ATG10: variants seen among roughly 807,000 people sequenced by gnomAD.
The protein encoded by ATG10 is autophagy related 10, also known as ubiquitin-like-conjugating enzyme ATG10.
Under a neutral mutation model 32.1 loss-of-function variants are expected in ATG10, and 30 were observed. The observed-to-expected ratio is 0.94, with a 90% CI of 0.70 to 1.27. The LOEUF is 1.27. Among genes scored for constraint, ATG10 ranks in the 50% most tolerant of loss-of-function variants. The pLI is 0.00. For synonymous variants in ATG10, 87 were observed against 91.5 expected (o/e 0.95, Z 0.28); for missense variants, 233 against 262.3 (o/e 0.89, Z 0.77).
At chr5:82,192,354 C>T (rs1051333651) in intron 5 of ATG10, among the ~76,000 whole-genome samples, 1 of 152,186 alleles carries the variant, frequency 6.6e-6, no homozygotes, top group Admixed American at 6.5e-5. Context: ...TCCTCTCTCC[C>T]TATTCAACTA....
intron 5 of ATG10, among the ~76,000 whole-genome samples, chr5:82,193,557 A>G (rs1744740746): frequency 6.6e-6 from 1 of 152,166 alleles, no homozygotes; most frequent in African/African-American, 2.4e-5. Flanking sequence ...AAGGTCGCAT[A>G]TGGTAATCCA....
chr5:82,018,097 A>G (rs1434753835), intron 2 of ATG10, among the ~76,000 whole-genome samples: 1 of 152,126 alleles, frequency 6.6e-6, no homozygotes, highest in African/African-American at 2.4e-5. Context: ...TTCTACTTTG[A>G]TGGATTCACT....
chr5:82,131,173 A>G (rs967808058), intron 3 of ATG10, among the ~76,000 whole-genome samples: 2 of 152,240 alleles, frequency 1.3e-5, no homozygotes, highest in African/African-American at 2.4e-5. Context: ...CAATATTCCC[A>G]TGTAACAAAT....
At chr5:82,244,616 A>G (rs980586287) in intron 5 of ATG10, among the ~76,000 whole-genome samples, 3 of 152,202 alleles carry the variant, frequency 2.0e-5, no homozygotes, top group Admixed American at 6.6e-5. Flanking sequence ...AGTCTGGAAT[A>G]TGAAACTGGA....
intron 5 of ATG10, among the ~76,000 whole-genome samples, chr5:82,250,736 G>A (rs988173817): frequency 7.2e-5 from 11 of 152,182 alleles, no homozygotes; most frequent in Admixed American, 2.0e-4. Flanking sequence ...TGAAATCTAA[G>A]TTCCATGGGA....
intron 1 of ATG10, among the ~76,000 whole-genome samples, chr5:81,981,783 CAAAG>C (rs1321213313): frequency 2.0e-5 from 3 of 152,026 alleles, no homozygotes; most frequent in African/African-American, 7.2e-5. Flanking sequence ...AAAACAATAA[CAAAG>C]AATTAGTTCT....
chr5:82,105,829 G>A (rs1765431421), intron 3 of ATG10, among the ~76,000 whole-genome samples: 1 of 152,082 alleles, frequency 6.6e-6, no homozygotes, highest in Non-Finnish European at 1.5e-5. Flanking sequence ...TTACTGCAGT[G>A]GCTAAACCCT....
At chr5:82,131,333 T>G (rs907333204) in intron 3 of ATG10, among the ~76,000 whole-genome samples, 2 of 152,178 alleles carry the variant, frequency 1.3e-5, no homozygotes, top group Non-Finnish European at 2.9e-5. Context: ...AAATTCAGAT[T>G]TATACTAGAA....
intron 3 of ATG10, among the ~76,000 whole-genome samples, chr5:82,100,316 C>A (rs1765225850): frequency 6.6e-6 from 1 of 152,000 alleles, no homozygotes; most frequent in African/African-American, 2.4e-5. Flanking sequence ...CCAGTGATTT[C>A]TTTTTTCTAA....
intron 3 of ATG10, among the ~76,000 whole-genome samples, chr5:82,133,001 C>T (rs1000162984): frequency 6.6e-5 from 10 of 152,126 alleles, no homozygotes; most frequent in Non-Finnish European, 1.2e-4. Context: ...TGATGATGAG[C>T]ATTTTTTCAT....
chr5:82,022,387 G>C (rs1217967621), intron 2 of ATG10, among the ~76,000 whole-genome samples: 1 of 147,370 alleles, frequency 6.8e-6, no homozygotes, highest in Non-Finnish European at 1.5e-5. Context: ...AGAGTGCAGT[G>C]GCATGATTTC....
intron 3 of ATG10, among the ~76,000 whole-genome samples, chr5:82,132,183 G>A (rs1157958978): frequency 6.6e-6 from 1 of 152,070 alleles, no homozygotes; most frequent in Non-Finnish European, 1.5e-5. Flanking sequence ...TTGAATTAAT[G>A]TAAGAGTGTG....
chr5:82,020,832 A>G (rs1762414043), intron 2 of ATG10, among the ~76,000 whole-genome samples: 1 of 152,220 alleles, frequency 6.6e-6, no homozygotes, highest in Non-Finnish European at 1.5e-5. Flanking sequence ...GGACATGGAT[A>G]TAGGGAGAGA....
At chr5:82,044,083 A>G (rs1763165769) in intron 2 of ATG10, among the ~76,000 whole-genome samples, 1 of 152,126 alleles carries the variant, frequency 6.6e-6, no homozygotes, top group Non-Finnish European at 1.5e-5. Context: ...GAGACTGGGT[A>G]ATTTATAAAG....
At chr5:82,014,846 A>C (rs913142930) in intron 2 of ATG10, among the ~76,000 whole-genome samples, 2 of 152,136 alleles carry the variant, frequency 1.3e-5, no homozygotes, top group African/African-American at 4.8e-5. Flanking sequence ...TAATACTGTT[A>C]TGTGTGAATT....
chr5:82,202,455 A>T (rs944341237), intron 5 of ATG10, among the ~76,000 whole-genome samples: 3 of 152,130 alleles, frequency 2.0e-5, no homozygotes, highest in African/African-American at 7.2e-5. Context: ...AGACATCCGC[A>T]ATCATGTTAG....
chr5:82,044,568 C>T (rs546349609), intron 2 of ATG10, among the ~76,000 whole-genome samples: 13 of 151,718 alleles, frequency 8.6e-5, no homozygotes, highest in African/African-American at 3.1e-4. Context: ...TAGATATTTT[C>T]AGACTTTTTC....
intron 2 of ATG10, among the ~76,000 whole-genome samples, chr5:81,990,982 A>G (rs1373200726): frequency 6.6e-6 from 1 of 152,230 alleles, no homozygotes; most frequent in African/African-American, 2.4e-5. Context: ...GTGATGCCCA[A>G]TGGGATGGTC....
intron 2 of ATG10, among the ~76,000 whole-genome samples, chr5:82,053,780 T>C (rs1453199699): frequency 1.3e-5 from 2 of 152,152 alleles, no homozygotes; most frequent in East Asian, 3.9e-4. Context: ...GGAGACCTAA[T>C]AGCTGAAGTG....
Sources: gnomAD v4.1 joint callset for allele counts (sites outside exome capture counted in the v4.1 genomes callset) on GRCh38, gnomAD v4.1.1 for gene constraint, MANE v1.5 for transcripts, NCBI Gene and HGNC (gene_info 2026-07-23, HGNC 2026-07-21) for gene names.